Variants in LTBR observed in about 807,000 individuals in gnomAD.
The protein encoded by LTBR is lymphotoxin beta receptor.
In LTBR, 15 loss-of-function variants were observed where a neutral mutation model predicts 45.4. The observed-to-expected ratio is 0.33, with a 90% CI of 0.22 to 0.51. The LOEUF (loss-of-function observed/expected upper bound fraction) is 0.51, where lower values mean the gene tolerates loss of function less well. LTBR is among the 20% of genes least tolerant of loss of function. The probability of loss-of-function intolerance (pLI) is 0.97; values close to 1 mark genes in which losing one functional copy is unlikely to be tolerated. For synonymous variants in LTBR, 228 were observed against 231.0 expected, an observed-to-expected ratio of 0.99 and a Z score of 0.12; for missense variants, 450 against 565.5, an observed-to-expected ratio of 0.80 and a Z score of 2.07.
At position 6,386,432 on chromosome 12, in the gene LTBR, C is replaced by T. The variant is rs1565494481; in HGVS notation, c.655C>T (p.Pro219Ser). The T allele has an allele frequency of 6.2e-7, 1 of 1,612,416 alleles. No individual in the cohort carries two copies. The highest frequency in any genetic ancestry group is 8.5e-7 in the Non-Finnish European group (1 of 1,179,588). The change falls in exon 6 of 10, where the codon CCA becomes TCA. Residue 219 changes from proline (P) to serine (S), a missense_variant. Physicochemically the swap from Pro to Ser is moderately conservative, Grantham distance 74. Coordinates refer to ENST00000228918, the MANE Select transcript of LTBR (RefSeq NM_002342.3). This position sits in a 1 kb window ranked among gnomAD's most constrained non-coding sequence, Gnocchi z 4.1. ...CAAAAATCCATTAGAGCCACTGCCCCCAGAGATGTCAGGTGAGGGACCAGG... is the reference window on the plus strand; with the variant it reads ...CAAAAATCCATTAGAGCCACTGCCCTCAGAGATGTCAGGTGAGGGACCAGG... Reference protein sequence around the residue: ...TCKNPLEPLPPEMSGTMLMLA... With the variant: ...TCKNPLEPLPSEMSGTMLMLA...
Position 6,388,720 on chromosome 12 carries a change from A to G in LTBR, c.776-80A>G, listed in dbSNP as rs1251701497. 1.1e-5 allele frequency: 17 copies of G among 1,573,670 alleles called. No individual in the cohort carries two copies. Among genetic ancestry groups the G allele is most frequent in the Admixed American group, 1.7e-5 (1 of 59,722 alleles). ...CCCCCGGGTGGTCAAGTTGCTACAC[A>G]TTGTGCTGGGATGTGGAGGCTGAAA... On this transcript the variant is annotated intron_variant, in intron 7 of 9. Transcript: ENST00000228918. This position sits in a 1 kb window ranked among gnomAD's most constrained non-coding sequence, Gnocchi z 4.3.
upstream of LTBR, among the ~76,000 whole-genome samples, chr12:6,383,377 C>A (rs1244670255): frequency 6.6e-6 from 1 of 152,204 alleles, no homozygotes; most frequent in Non-Finnish European, 1.5e-5. Context: ...CACCCTTAGC[C>A]TCCCTCTCCA....
intron 6 of LTBR, chr12:6,387,211 A>T (rs1443557394): frequency 2.0e-5 from 3 of 152,128 alleles, no homozygotes; most frequent in African/African-American, 7.2e-5. Context: ...AAACTCACCC[A>T]CAGAGCCACT....
chr12:6,384,883 T>G, intron 2 of LTBR, 139 bp from the exon 3 acceptor site: 5 of 1,208,126 alleles, frequency 4.1e-6, no homozygotes, highest in Non-Finnish European at 4.7e-6. Flanking sequence ...CTTACCTCAC[T>G]GAGAGGGAGC....
rs763445353 is a variant in LTBR, at chr12:6,386,314, G to T, written c.570-33G>T. 4 of 1,586,970 alleles carry T rather than the reference G, an allele frequency of 2.5e-6. No homozygotes were observed. The East Asian group carries it at 6.7e-5, about 27-fold the overall frequency. ...AGTCGGGACACTGGTGGGCCAGGGC[G>T]TGAAAAGGTCATCATCTTTTTTTCC... On this transcript the variant is annotated intron_variant, in intron 5 of 9. Transcript: ENST00000228918. The surrounding 1 kb of genome is among the most constrained non-coding windows in gnomAD (Gnocchi z 4.1).
chr12:6,386,443 A>C lies in LTBR; in HGVS notation c.666A>C (p.Ser222=). The C allele has an allele frequency of 6.3e-7, 1 of 1,594,952 alleles. No individual in the cohort carries two copies. The highest frequency in any genetic ancestry group is 1.1e-5 in the South Asian group (1 of 90,398). ...NPLEPLPPEM[S]GTMLMLAVLL... is the part of the protein sequence containing the mutation. ...TAGAGCCACTGCCCCCAGAGATGTC[A>C]GGTGAGGGACCAGGGCTGAGGGACA... The change falls in exon 6 of 10, where the codon TCA becomes TCC. Residue 222 remains serine (S), a splice_region_variant and synonymous_variant. Coordinates refer to ENST00000228918, the MANE Select transcript of LTBR (RefSeq NM_002342.3). This position sits in a 1 kb window ranked among gnomAD's most constrained non-coding sequence, Gnocchi z 4.1.
intron 6 of LTBR, chr12:6,387,765 G>C (rs1022319814): frequency 5.0e-6 from 2 of 403,240 alleles, no homozygotes; most frequent in Middle Eastern, 3.5e-4. Context: ...TGGAGAAGCC[G>C]AACTCCAGCC....
In LTBR at chr12:6,384,213, G is replaced by A; in HGVS notation, c.-146G>A. On this transcript the variant is annotated 5_prime_UTR_variant, in exon 1 of 10. Coordinates refer to ENST00000228918, the MANE Select transcript of LTBR (RefSeq NM_002342.3). ...GGAGCCCTGGAGGCCCGGCCTGGCCGCTCCCGGCCCTGGGGTGCACATCGG... is the reference window on the plus strand; with the variant it reads ...GGAGCCCTGGAGGCCCGGCCTGGCCACTCCCGGCCCTGGGGTGCACATCGG... The A allele has an allele frequency of 1.5e-6, 2 of 1,317,670 alleles. No homozygotes were observed. The highest frequency in any genetic ancestry group is 2.2e-5 in the South Asian group (1 of 44,450). 81.6% of individuals were successfully genotyped at this position (1,317,670 alleles called of 1,614,324 possible). A position where few individuals can be genotyped will look rare whatever the true frequency, so the allele number is the denominator to read the frequency against.
chr12:6,385,546 T>A, intron 4 of LTBR, 167 bp downstream of exon 4: 1 of 819,842 alleles, frequency 1.2e-6, no homozygotes, highest in Non-Finnish European at 1.9e-6. Context: ...TGGAGGGACA[T>A]GGAACTGGGA....
At chr12:6,376,751 G>A (rs528326546) in intron 1 of LTBR, among the ~76,000 whole-genome samples, 3 of 152,254 alleles carry the variant, frequency 2.0e-5, no homozygotes, top group African/African-American at 4.8e-5. Context: ...CCCTGCACGC[G>A]GCAGGGAAGG....
chr12:6,388,891 A>G lies in LTBR; in HGVS notation c.801+66A>G. The G allele has an allele frequency of 6.3e-7, 1 of 1,586,458 alleles. No homozygotes were observed. Among genetic ancestry groups the G allele is most frequent in the Admixed American group, 1.7e-5 (1 of 59,828 alleles). On this transcript the variant is annotated intron_variant, in intron 8 of 9. Transcript: ENST00000228918. This position sits in a 1 kb window ranked among gnomAD's most constrained non-coding sequence, Gnocchi z 4.3. ...GTGATGAGGGTACAAGGTGGAGCAG[A>G]CAGGAAGAGAGTATGCAGGCTGACT...
chr12:6,375,851 G>C, intron 1 of LTBR: 1 of 1,328,470 alleles, frequency 7.5e-7, no homozygotes, highest in Admixed American at 3.6e-5. Context: ...CAGGCTGAGA[G>C]GGCCTGGGTG....
upstream of LTBR, among the ~76,000 whole-genome samples, chr12:6,382,869 T>C (rs571133550): frequency 3.0e-4 from 45 of 152,236 alleles, no homozygotes; most frequent in Non-Finnish European, 3.1e-4. Flanking sequence ...AAGGGAGACA[T>C]CCCTGAGCCA....
At position 6,385,034 on chromosome 12, in the gene LTBR, C is replaced by T. The variant is rs1400837410; in HGVS notation, c.206C>T (p.Ser69Leu). The change falls in exon 3 of 10, where the codon TCA becomes TTA. Residue 69 changes from serine to leucine, a missense_variant. Physicochemically the swap from Ser to Leu is moderately radical, Grantham distance 145. Transcript: ENST00000228918. ...CSRCPPGTYVSAKCSRIRDTV... is the reference protein window; with the variant it reads ...CSRCPPGTYVLAKCSRIRDTV... ...ACTCACGTTCTAGGCACCTATGTCTCAGCTAAATGTAGCCGCATCCGGGAC... is the reference window on the plus strand; with the variant it reads ...ACTCACGTTCTAGGCACCTATGTCTTAGCTAAATGTAGCCGCATCCGGGAC... 2 of 1,614,094 alleles carry T rather than the reference C, an allele frequency of 1.2e-6. No individual in the cohort carries two copies. The highest frequency in any genetic ancestry group is 1.7e-6 in the Non-Finnish European group (2 of 1,180,040).
chr12:6,386,537 T>C lies in LTBR; in HGVS notation c.667+93T>C. 1 of 980,590 alleles carries C rather than the reference T, an allele frequency of 1.0e-6. No individual in the cohort carries two copies. Among genetic ancestry groups the C allele is most frequent in the Non-Finnish European group, 1.6e-6 (1 of 640,496 alleles). 60.7% of individuals were successfully genotyped at this position (980,590 alleles called of 1,614,324 possible). A position where few individuals can be genotyped will look rare whatever the true frequency, so the allele number is the denominator to read the frequency against. ...AAAAAAATGGGGAAAAGATGAACAC[T>C]TCCCTCCCAGAATTGGGCAAGAAGA... is the stretch of plus-strand genomic sequence containing the variant. On this transcript the variant is annotated intron_variant, in intron 6 of 9. Transcript: ENST00000228918. This position sits in a 1 kb window ranked among gnomAD's most constrained non-coding sequence, Gnocchi z 4.1.
Position 6,384,440 on chromosome 12 carries a change from T to A in LTBR, c.82T>A (p.Ser28Thr). Residue 28 changes from serine (S) to threonine (T), a missense_variant, in exon 1 of 10, where the codon TCG becomes ACG. Coordinates refer to ENST00000228918, the MANE Select transcript of LTBR (RefSeq NM_002342.3). ...GGGCCTCTTCGGGCTCCTGGCAGCA[T>A]CGCAGCCCCAGGCGGTGAGGAAGGG... ...VLGLFGLLAASQPQAVPPYAS... is the reference protein window; with the variant it reads ...VLGLFGLLAATQPQAVPPYAS... 1 of 1,551,378 alleles carries A rather than the reference T, an allele frequency of 6.4e-7. No individual in the cohort carries two copies. Among genetic ancestry groups the A allele is most frequent in the Non-Finnish European group, 8.7e-7 (1 of 1,150,674 alleles).
chr12:6,383,797 C>T (rs1453005332), upstream of LTBR, among the ~76,000 whole-genome samples: 2 of 152,346 alleles, frequency 1.3e-5, no homozygotes, highest in East Asian at 1.9e-4. Context: ...TTGCAGTCCC[C>T]GCGCCCTGCC....
chr12:6,381,721 T>C, upstream of LTBR, among the ~76,000 whole-genome samples: 1 of 152,158 alleles, frequency 6.6e-6, no homozygotes, highest in South Asian at 2.1e-4. Flanking sequence ...ACGCCTGTAA[T>C]CCCAGCACTT....
Position 6,384,234 on chromosome 12 carries a change from A to G in LTBR, c.-125A>G, listed in dbSNP as rs1949012070. On this transcript the variant is annotated 5_prime_UTR_variant, in exon 1 of 10. Transcript: ENST00000228918. ...GGCCGCTCCCGGCCCTGGGGTGCAC[A>G]TCGGCCCTGAGTCCCGTCCCAGGCT... The G allele has an allele frequency of 7.3e-7, 1 of 1,373,694 alleles. No individual in the cohort carries two copies. Among genetic ancestry groups the G allele is most frequent in the Non-Finnish European group, 9.4e-7 (1 of 1,068,890 alleles). The allele number at this position is 1,373,694 out of a possible 1,614,324, so 85.1% of individuals were successfully genotyped here.
Sources: allele counts gnomAD v4.1 joint callset (sites outside exome capture counted in the v4.1 genomes callset), GRCh38; gene constraint gnomAD v4.1.1; non-coding constraint Gnocchi (gnomAD v3.1); transcripts MANE v1.5; gene names NCBI Gene and HGNC (gene_info 2026-07-23, HGNC 2026-07-21).